The following DTX4 variants were observed in gnomAD, a reference collection of about 807,000 sequenced individuals.
DTX4 encodes the protein deltex E3 ubiquitin ligase 4.
A neutral mutation model predicts 57.6 loss-of-function variants in DTX4; 28 were observed. The observed-to-expected ratio is 0.49, with a 90% CI of 0.36 to 0.67. The LOEUF (loss-of-function observed/expected upper bound fraction) is 0.67. Ranked by LOEUF, DTX4 falls within the 30% of genes least tolerant of loss-of-function variation. The probability of loss-of-function intolerance (pLI) is 0.00; values close to 1 mark genes in which losing one functional copy is unlikely to be tolerated. For missense variants in DTX4, 715 were observed against 836.8 expected (o/e 0.85, Z 1.80); for synonymous variants, 316 against 331.0 (o/e 0.95, Z 0.49).
chr11:59,182,020 A>G lies in DTX4; in HGVS notation c.493A>G (p.Thr165Ala). 3 of 1,613,720 alleles carry G rather than the reference A, an allele frequency of 1.9e-6. No homozygotes were observed. The highest frequency in any genetic ancestry group is 2.5e-6 in the Non-Finnish European group (3 of 1,179,772). Reference protein sequence around the residue: ...RRLDLIYPMVTGTLPKAQSWP... With the variant: ...RRLDLIYPMVAGTLPKAQSWP... ...CCTCGACCTCATCTACCCCATGGTC[A>G]CAGGGACCTTGCCTAAGGCTCAGTC... Residue 165 changes from threonine (T) to alanine (A), a missense_variant, in exon 2 of 9, where the codon ACA (threonine) becomes GCA (alanine). Transcript: ENST00000227451.
chr11:59,174,519 T>A, intron 1 of DTX4, among the ~76,000 whole-genome samples: 1 of 88,182 alleles, frequency 1.1e-5, no homozygotes, highest in Non-Finnish European at 2.1e-5. Context: ...AAAAAGCAGG[T>A]GTTACCTTTT....
intron 6 of DTX4, among the ~76,000 whole-genome samples, chr11:59,193,329 T>C (rs927815297): frequency 6.6e-6 from 1 of 152,216 alleles, no homozygotes; most frequent in African/African-American, 2.4e-5. Context: ...ATCGCCTTTG[T>C]ATTAAAGGCT....
At position 59,182,327 on chromosome 11, in the gene DTX4, C is replaced by G. The variant is rs774857541; in HGVS notation, c.800C>G (p.Thr267Ser). Residue 267 changes from threonine (T) to serine (S), a missense_variant, in exon 2 of 9, where the codon ACT becomes AGT. Transcript: ENST00000227451. ...CGGAGACAAGCCTCCAGCATGCCCA[C>G]TGGGACAACCATGGGCTCTCCTGCC... Reference protein sequence around the residue: ...VIRRQASSMPTGTTMGSPASP... With the variant: ...VIRRQASSMPSGTTMGSPASP... 1.2e-6 allele frequency: 2 copies of G among 1,612,976 alleles called. No individual in the cohort carries two copies. The highest frequency in any genetic ancestry group is 1.7e-6 in the Non-Finnish European group (2 of 1,179,822).
chr11:59,189,371 G>A, intron 4 of DTX4, 48 bp downstream of exon 4: 1 of 1,481,570 alleles, frequency 6.7e-7, no homozygotes, highest in Non-Finnish European at 9.0e-7. Context: ...AGACTTGGCT[G>A]TCAGCCCTGA....
chr11:59,183,065 T>A (rs1862486378), intron 2 of DTX4, among the ~76,000 whole-genome samples: 1 of 152,182 alleles, frequency 6.6e-6, no homozygotes, highest in Admixed American at 6.5e-5. Flanking sequence ...GTAGGCATTA[T>A]CCCCATTTAC....
At chr11:59,197,147 G>A (rs922797776) in intron 7 of DTX4, among the ~76,000 whole-genome samples, 2 of 152,142 alleles carry the variant, frequency 1.3e-5, no homozygotes, top group Admixed American at 6.6e-5. Context: ...TGAAGAATGA[G>A]CACAGTACCA....
In DTX4 at chr11:59,204,950, C is replaced by G. The variant is rs757319059; in HGVS notation, c.*41C>G. On this transcript the variant is annotated 3_prime_UTR_variant, in exon 9 of 9. Coordinates refer to ENST00000227451, the MANE Select transcript of DTX4 (RefSeq NM_015177.2). ...GAGGTGGGAGGGGCCATGGAGACTG[C>G]AGGACAGGAAGTGAGGAGAGTGAGT... 4 of 1,514,840 alleles carry G rather than the reference C, an allele frequency of 2.6e-6. No homozygotes were observed. In the African/African-American group the frequency reaches 5.5e-5, roughly 21 times the overall value. The allele number at this position is 1,514,840 out of a possible 1,614,324, so 93.8% of individuals were successfully genotyped here. A position where few individuals can be genotyped will look rare whatever the true frequency, so the allele number is the denominator to read the frequency against.
rs1289149439 is a variant in DTX4 at position 59,172,503 on chromosome 11, G to C, written c.-93G>C. The C allele has an allele frequency of 1.2e-6, 1 of 810,952 alleles. No homozygotes were observed. The highest frequency in any genetic ancestry group is 1.8e-5 in the African/African-American group (1 of 54,662). The allele number at this position is 810,952 out of a possible 1,614,324, so 50.2% of individuals were successfully genotyped here. ...GGCGCGGGGCAGGGGGCGCGGTCGAGGCCCGGAGGCGGCGGCGCAGGAGGA... is the reference window on the plus strand; with the variant it reads ...GGCGCGGGGCAGGGGGCGCGGTCGACGCCCGGAGGCGGCGGCGCAGGAGGA... On this transcript the variant is annotated 5_prime_UTR_variant, in exon 1 of 9. Coordinates refer to ENST00000227451, the MANE Select transcript of DTX4 (RefSeq NM_015177.2).
chr11:59,203,904 T>G lies in DTX4; in HGVS notation c.1627-772T>G, dbSNP rs540845633. Among the ~76,000 whole-genome samples the G allele has an allele frequency of 1.4e-4, 21 of 152,330 alleles. No homozygotes were observed. The South Asian group carries it at 1.7e-3, about 12-fold the overall frequency. On this transcript the variant is annotated intron_variant, in intron 8 of 8. Coordinates refer to ENST00000227451, the MANE Select transcript of DTX4 (RefSeq NM_015177.2). ...TAATGTCTGCTTTCATTACTAATAC[T>G]ATTATGGTTTCCTCTCCTCCAGCCC...
chr11:59,175,445 G>A (rs1862384135), intron 1 of DTX4, among the ~76,000 whole-genome samples: 4 of 152,134 alleles, frequency 2.6e-5, no homozygotes, highest in Admixed American at 2.6e-4. Context: ...AGATGGCTGG[G>A]AGGTCCCAGA....
intron 7 of DTX4, among the ~76,000 whole-genome samples, chr11:59,197,680 G>A (rs1475160844): frequency 6.6e-6 from 1 of 152,184 alleles, no homozygotes; most frequent in East Asian, 1.9e-4. Context: ...CTTAGGAATG[G>A]GGCTCGAACA....
intron 1 of DTX4, among the ~76,000 whole-genome samples, 165 bp downstream of exon 1, chr11:59,172,971 A>C (rs1862347431): frequency 6.6e-6 from 1 of 152,134 alleles, no homozygotes; most frequent in Admixed American, 6.5e-5. Context: ...GAATCCTCGC[A>C]GGATCCTCCC....
chr11:59,204,588 G>A lies in DTX4; in HGVS notation c.1627-88G>A, dbSNP rs1862780282. 2.2e-5 allele frequency: 27 copies of A among 1,222,210 alleles called. No homozygotes were observed. The South Asian group carries it at 3.1e-4, about 14-fold the overall frequency. 75.7% of individuals were successfully genotyped at this position (1,222,210 alleles called of 1,614,324 possible). On this transcript the variant is annotated intron_variant, in intron 8 of 8. Transcript: ENST00000227451. ...GTATCATGATGCAGGAAGGGATGGG[G>A]CCCTTGGGAGGATTCTCTACCGTCC...
rs561122713 is a variant in DTX4 at position 59,183,767 on chromosome 11, T to C, written c.935+1305T>C. ...AATCCAGAGGCCCAGCCCCTACTCC[T>C]ACCTCTGTCACTGGGGTGAGCCACA... On this transcript the variant is annotated intron_variant, in intron 2 of 8. Transcript: ENST00000227451. Among the ~76,000 whole-genome samples, 37 of 152,344 alleles carry C rather than the reference T, an allele frequency of 2.4e-4. 1 individual carries two copies. The highest frequency in any genetic ancestry group is 7.5e-4 in the African/African-American group (31 of 41,586).
chr11:59,171,642 C>A (rs1173438482), upstream of DTX4, among the ~76,000 whole-genome samples: 2 of 152,004 alleles, frequency 1.3e-5, no homozygotes, highest in African/African-American at 4.8e-5. Flanking sequence ...CAGCAGGGGG[C>A]GTGTCTTCTG....
At chr11:59,175,256 A>C (rs954278861) in intron 1 of DTX4, among the ~76,000 whole-genome samples, 5 of 152,234 alleles carry the variant, frequency 3.3e-5, no homozygotes, top group Non-Finnish European at 5.9e-5. Context: ...TAAACAAAAG[A>C]GATCTGGAAG....
Position 59,208,437 on chromosome 11 carries a change from T to C in DTX4, c.*3528T>C, listed in dbSNP as rs1179302005. 6.6e-6 allele frequency: 1 copy of C among 152,222 alleles called. No individual in the cohort carries two copies. The highest frequency in any genetic ancestry group is 1.5e-5 in the Non-Finnish European group (1 of 68,048). 9.4% of individuals were successfully genotyped at this position (152,222 alleles called of 1,614,324 possible). A position where few individuals can be genotyped will look rare whatever the true frequency, so the allele number is the denominator to read the frequency against. On this transcript the variant is annotated 3_prime_UTR_variant, in exon 9 of 9. Transcript: ENST00000227451. ...GTGTGGGAGAAAAACACTTTTAGAATCACGAATATTCACTTTTAAAGGTCT... is the reference window on the plus strand; with the variant it reads ...GTGTGGGAGAAAAACACTTTTAGAACCACGAATATTCACTTTTAAAGGTCT...
Position 59,208,511 on chromosome 11 carries a change from T to C in DTX4, c.*3602T>C, listed in dbSNP as rs1862845530. The stretch of plus-strand genomic sequence containing the variant: ...TGTGTTTAAATTATTTACAGGCTGT[T>C]GTTTCTCAAATAAATGTTTAATATT... On this transcript the variant is annotated 3_prime_UTR_variant, in exon 9 of 9. Coordinates refer to ENST00000227451, the MANE Select transcript of DTX4 (RefSeq NM_015177.2). 6.6e-6 allele frequency: 1 copy of C among 152,234 alleles called. No individual in the cohort carries two copies. Among genetic ancestry groups the C allele is most frequent in the South Asian group, 2.1e-4 (1 of 4,836 alleles). 9.4% of individuals were successfully genotyped at this position (152,234 alleles called of 1,614,324 possible). A position where few individuals can be genotyped will look rare whatever the true frequency, so the allele number is the denominator to read the frequency against.
chr11:59,172,898 T>A, intron 1 of DTX4, 92 bp downstream of exon 1: 1 of 970,160 alleles, frequency 1.0e-6, no homozygotes, highest in Non-Finnish European at 1.5e-6. Flanking sequence ...CTTGGCCACC[T>A]AGTCGGCACT....
Sources: allele counts gnomAD v4.1 joint callset (sites outside exome capture counted in the v4.1 genomes callset), GRCh38; gene constraint gnomAD v4.1.1; transcripts MANE v1.5; gene names NCBI Gene and HGNC (gene_info 2026-07-23, HGNC 2026-07-21).